CRLF3: variants seen among roughly 807,000 people sequenced by gnomAD.
The protein encoded by CRLF3 is cytokine receptor-like factor 3.
CRLF3 carries 33 observed loss-of-function variants against 55.0 expected under a neutral mutation model. The observed-to-expected ratio is 0.60, with a 90% CI of 0.46 to 0.80. The LOEUF is 0.80. Among genes scored for constraint, CRLF3 ranks in the 30% least tolerant of loss-of-function variants. The pLI is 0.00. For missense variants in CRLF3, 494 were observed against 538.4 expected (o/e 0.92, Z 0.82); for synonymous variants, 238 against 196.8 (o/e 1.21, Z -1.75).
intron 4 of CRLF3, among the ~76,000 whole-genome samples, chr17:30,794,447 T>C (rs950887313): frequency 6.6e-6 from 1 of 152,174 alleles, no homozygotes; most frequent in Non-Finnish European, 1.5e-5. Flanking sequence ...CAAAAATGTA[T>C]ATTATGAATA....
intron 1 of CRLF3, among the ~76,000 whole-genome samples, chr17:30,809,324 T>C (rs1016785478): frequency 2.0e-5 from 3 of 152,240 alleles, no homozygotes; most frequent in Non-Finnish European, 4.4e-5. Flanking sequence ...GATACCACCA[T>C]GGGATCATTT....
chr17:30,796,922 A>ATGGAGTCTTGCTGTTGCCCAGGC (rs1357952587), intron 3 of CRLF3, among the ~76,000 whole-genome samples: 2 of 151,928 alleles, frequency 1.3e-5, no homozygotes, highest in Non-Finnish European at 2.9e-5. Context: ...TTATTTTGAG[A>ATGGAGTCTTGCTGTTGCCCAGGC]TGGAGTCTTG....
At chr17:30,809,183 G>T (rs1259514036) in intron 1 of CRLF3, among the ~76,000 whole-genome samples, 1 of 152,158 alleles carries the variant, frequency 6.6e-6, no homozygotes, top group Non-Finnish European at 1.5e-5. Flanking sequence ...CAGAAAAAAG[G>T]AAGTAAGTGA....
chr17:30,799,470 C>G (rs1971971503), intron 2 of CRLF3, among the ~76,000 whole-genome samples: 1 of 151,930 alleles, frequency 6.6e-6, no homozygotes, highest in East Asian at 1.9e-4. Context: ...GGGATCCTCC[C>G]GCCTCAGCCT....
intron 7 of CRLF3, 96 bp downstream of exon 7, chr17:30,785,823 C>A: frequency 1.6e-6 from 1 of 608,304 alleles, no homozygotes; most frequent in Non-Finnish European, 2.8e-6. Flanking sequence ...TAAATTTTCT[C>A]ATCTCCTACT....
chr17:30,817,863 G>A (rs981451324), intron 1 of CRLF3, among the ~76,000 whole-genome samples: 2 of 136,154 alleles, frequency 1.5e-5, no homozygotes, highest in African/African-American at 5.6e-5. Flanking sequence ...CCGAGATGGC[G>A]CCACTGCACT....
At chr17:30,790,605 G>C (rs1014466258) in intron 6 of CRLF3, 2 of 80,836 alleles carry the variant, frequency 2.5e-5, no homozygotes, top group Non-Finnish European at 2.4e-5. Context: ...AAATTTTTTT[G>C]CTTTTTTTTT....
Position 30,789,272 on chromosome 17 carries a change from A to C in CRLF3, c.959+3168T>G, listed in dbSNP as rs571873056. ...TTTATTGAGACCTAATGTGTCTTTC[A>C]CATCACGGTCAGCAGAGGTGAATTT... On this transcript the variant is annotated intron_variant, in intron 6 of 7. Coordinates refer to ENST00000324238, the MANE Select transcript of CRLF3 (RefSeq NM_015986.4). 2.6e-5 allele frequency among the ~76,000 whole-genome samples: 4 copies of C among 152,340 alleles called. No homozygotes were observed. The East Asian group carries it at 7.7e-4, about 29-fold the overall frequency.
Position 30,784,151 on chromosome 17 carries a change from T to A in CRLF3, c.*36A>T, listed in dbSNP as rs776707005. 7 of 1,597,158 alleles carry A rather than the reference T, an allele frequency of 4.4e-6. No individual in the cohort carries two copies. The highest frequency in any genetic ancestry group is 1.3e-5 in the African/African-American group (1 of 74,264). ...CTACGCTGGGCTGAGGACAGCTACG[T>A]TAGACCCTGAAAACCAAAGCCAAGC... On this transcript the variant is annotated 3_prime_UTR_variant, in exon 8 of 8. Coordinates refer to ENST00000324238, the MANE Select transcript of CRLF3 (RefSeq NM_015986.4).
At chr17:30,816,947 C>A (rs539423847) in intron 1 of CRLF3, among the ~76,000 whole-genome samples, 1 of 152,250 alleles carries the variant, frequency 6.6e-6, no homozygotes, top group East Asian at 1.9e-4. Context: ...TGTACAATGA[C>A]AAAATCGCCC....
chr17:30,791,953 TCTC>T (rs1024225987), intron 6 of CRLF3, among the ~76,000 whole-genome samples: 1 of 151,952 alleles, frequency 6.6e-6, no homozygotes, highest in Non-Finnish European at 1.5e-5. Flanking sequence ...TTCAAGCAAT[TCTC>T]CTGCCTCAGC....
intron 5 of CRLF3, 42 bp downstream of exon 5, chr17:30,793,408 A>T: frequency 6.7e-7 from 1 of 1,481,954 alleles, no homozygotes; most frequent in Non-Finnish European, 9.4e-7. Flanking sequence ...AGGTATTCTA[A>T]TATATAGTTA....
Position 30,784,107 on chromosome 17 carries a change from T to C in CRLF3, c.*80A>G, listed in dbSNP as rs3752020. The C allele has an allele frequency of 9.1e-6, 12 of 1,314,028 alleles. No homozygotes were observed. Among genetic ancestry groups the C allele is most frequent in the Non-Finnish European group, 1.3e-5 (12 of 956,762 alleles). 81.4% of individuals were successfully genotyped at this position (1,314,028 alleles called of 1,614,324 possible). A position where few individuals can be genotyped will look rare whatever the true frequency, so the allele number is the denominator to read the frequency against. ...CTAAGTTAGAGATGAATTCAACTTT[T>C]TTTTTAAAGCAATTACAACTACGCT... On this transcript the variant is annotated 3_prime_UTR_variant, in exon 8 of 8. Transcript: ENST00000324238.
In CRLF3 at chr17:30,792,588, GAT is replaced by G. The variant is rs756041519; in HGVS notation, c.827-18_827-17del. The stretch of plus-strand genomic sequence containing the variant: ...GCTGTCCACTCTTTTTCAAAGCAAA[GAT>G]ATTGAAAACTGTTAGAATCTCTTGA... On this transcript the variant is annotated splice_polypyrimidine_tract_variant and intron_variant, in intron 5 of 7. Coordinates refer to ENST00000324238, the MANE Select transcript of CRLF3 (RefSeq NM_015986.4). The G allele has an allele frequency of 1.9e-6, 3 of 1,585,962 alleles. No homozygotes were observed. Among genetic ancestry groups the G allele is most frequent in the Admixed American group, 3.4e-5 (2 of 59,606 alleles).
At chr17:30,818,087 C>G (rs1904864599) in intron 1 of CRLF3, among the ~76,000 whole-genome samples, 1 of 151,350 alleles carries the variant, frequency 6.6e-6, no homozygotes, top group Non-Finnish European at 1.5e-5. Context: ...TGGTGAAACC[C>G]CGTCTCTACT....
chr17:30,789,280 G>GT (rs1347312451), intron 6 of CRLF3, among the ~76,000 whole-genome samples: 1 of 152,170 alleles, frequency 6.6e-6, no homozygotes, highest in Non-Finnish European at 1.5e-5. Context: ...TCACATCACG[G>GT]TCAGCAGAGG....
At chr17:30,797,991 G>A (rs1020280531) in intron 2 of CRLF3, among the ~76,000 whole-genome samples, 2 of 127,028 alleles carry the variant, frequency 1.6e-5, no homozygotes, top group Non-Finnish European at 3.4e-5. Context: ...TGTTGCCCAG[G>A]CTGGGCATAA....
At chr17:30,806,778 T>C (rs923616190) in intron 1 of CRLF3, among the ~76,000 whole-genome samples, 2 of 152,004 alleles carry the variant, frequency 1.3e-5, no homozygotes, top group Non-Finnish European at 2.9e-5. Context: ...AGCTTATAGG[T>C]GCGGGCCACC....
intron 6 of CRLF3, among the ~76,000 whole-genome samples, chr17:30,789,619 A>G (rs1182490034): frequency 6.6e-6 from 1 of 152,218 alleles, no homozygotes; most frequent in Admixed American, 6.5e-5. Context: ...GCTGTGTGAC[A>G]CTGGGTAAAT....
Sources: gnomAD v4.1 joint callset for allele counts (sites outside exome capture counted in the v4.1 genomes callset) on GRCh38, gnomAD v4.1.1 for gene constraint, MANE v1.5 for transcripts, NCBI Gene and HGNC (gene_info 2026-07-23, HGNC 2026-07-21) for gene names.